Variants in SYT9 observed in about 807,000 individuals in gnomAD.
SYT9 encodes synaptotagmin-9.
Under a neutral mutation model 48.4 loss-of-function variants are expected in SYT9, and 22 were observed. The observed-to-expected ratio is 0.45, with a 90% CI of 0.32 to 0.65. The LOEUF is 0.65. Ranked by LOEUF, SYT9 falls within the 30% of genes least tolerant of loss-of-function variation. The pLI, the probability that SYT9 is intolerant of heterozygous loss-of-function variation, is 0.03. For missense variants in SYT9, 577 were observed against 622.0 expected (o/e 0.93, Z 0.77); for synonymous variants, 265 against 245.0 (o/e 1.08, Z -0.76).
chr11:7,313,505 A>T lies in SYT9; in HGVS notation c.608A>T (p.Tyr203Phe). The T allele has an allele frequency of 6.2e-7, 1 of 1,614,210 alleles. No individual in the cohort carries two copies. The highest frequency in any genetic ancestry group is 8.5e-7 in the Non-Finnish European group (1 of 1,180,002). Residue 203 changes from tyrosine (Y) to phenylalanine (F), a missense_variant, in exon 3 of 7, where the codon TAT becomes TTT. Transcript: ENST00000318881. ...ATTGGTAGAATTAAACCAGAGTTAT[A>T]TAAGCAGAGGTCATTGGATAATGAT... is the stretch of plus-strand genomic sequence containing the variant. ...TGIGRIKPELYKQRSLDNDDG... is the reference protein window; with the variant it reads ...TGIGRIKPELFKQRSLDNDDG...
At chr11:7,309,129 C>T (rs979927531) in intron 2 of SYT9, among the ~76,000 whole-genome samples, 2 of 152,324 alleles carry the variant, frequency 1.3e-5, no homozygotes, top group African/African-American at 4.8e-5. Flanking sequence ...CCACTTAGGT[C>T]TGGGGTAGCC....
At chr11:7,324,798 C>T (rs11820499) in intron 3 of SYT9, among the ~76,000 whole-genome samples, 2,793 of 151,848 alleles carry the variant, frequency 0.018, 93 homozygotes, top group African/African-American at 0.065. Flanking sequence ...GCTTTATGTT[C>T]TCTTACACAT....
chr11:7,305,824 A>G (rs185430055), intron 2 of SYT9, among the ~76,000 whole-genome samples: 1 of 152,256 alleles, frequency 6.6e-6, no homozygotes, highest in Admixed American at 6.5e-5. Flanking sequence ...GCCTCCATTT[A>G]AAGGTGTCTT....
At chr11:7,427,707 A>G (rs1847490423) in intron 6 of SYT9, 1 of 152,332 alleles carries the variant, frequency 6.6e-6, no homozygotes, top group African/African-American at 2.4e-5. Context: ...TTTTGACAAA[A>G]TGAAGAAATT....
intron 3 of SYT9, among the ~76,000 whole-genome samples, chr11:7,353,002 C>T (rs1285544355): frequency 6.6e-6 from 1 of 152,124 alleles, no homozygotes; most frequent in Non-Finnish European, 1.5e-5. Context: ...ACGTATAAAA[C>T]TTGTAAGTAA....
intron 1 of SYT9, among the ~76,000 whole-genome samples, chr11:7,263,769 G>A (rs1466845244): frequency 6.6e-6 from 1 of 152,190 alleles, no homozygotes; most frequent in Non-Finnish European, 1.5e-5. Flanking sequence ...GATTTTGGGA[G>A]TGGTGCCTCA....
intron 3 of SYT9, among the ~76,000 whole-genome samples, chr11:7,415,698 T>C (rs1421682291): frequency 6.6e-6 from 1 of 152,100 alleles, no homozygotes; most frequent in African/African-American, 2.4e-5. Flanking sequence ...TGTGGAGGAT[T>C]TGTTAAGGCT....
At chr11:7,442,688 A>C (rs1212481010) in intron 6 of SYT9, among the ~76,000 whole-genome samples, 1 of 152,168 alleles carries the variant, frequency 6.6e-6, no homozygotes, top group Non-Finnish European at 1.5e-5. Context: ...TCACATGGGT[A>C]ATGGGTTCCT....
At chr11:7,410,494 A>G (rs1348580741) in intron 3 of SYT9, among the ~76,000 whole-genome samples, 4 of 152,154 alleles carry the variant, frequency 2.6e-5, no homozygotes, top group Admixed American at 6.5e-5. Flanking sequence ...AGCTCTAGTT[A>G]TATTTGCTTT....
At chr11:7,351,048 C>G (rs149413594) in intron 3 of SYT9, among the ~76,000 whole-genome samples, 46 of 152,112 alleles carry the variant, frequency 3.0e-4, no homozygotes, top group African/African-American at 1.1e-3. Context: ...AAGTCAAGAT[C>G]AAAGCGGCCA....
chr11:7,307,194 T>C (rs1330206564), intron 2 of SYT9, among the ~76,000 whole-genome samples: 1 of 152,174 alleles, frequency 6.6e-6, no homozygotes, highest in Admixed American at 6.5e-5. Context: ...AAGATAACCA[T>C]CACACTCTAA....
In SYT9 at chr11:7,429,272, C is replaced by T. The variant is rs150607896; in HGVS notation, c.1467+8637C>T. On this transcript the variant is annotated intron_variant, in intron 6 of 6. Coordinates refer to ENST00000318881, the MANE Select transcript of SYT9 (RefSeq NM_175733.4). Reference sequence around the variant, plus strand: ...TAACCATAAGGATTACCACTGCATACGCTGATTCAGTCCAAGAGTATTATA... The same window carrying T: ...TAACCATAAGGATTACCACTGCATATGCTGATTCAGTCCAAGAGTATTATA... Among the ~76,000 whole-genome samples the T allele has an allele frequency of 7.9e-3, 1,198 of 152,308 alleles. 24 individuals are homozygous for T. Among genetic ancestry groups the T allele is most frequent in the African/African-American group, 0.027 (1,142 of 41,556 alleles).
At chr11:7,444,484 G>A (rs935129610) in intron 6 of SYT9, 1 of 151,914 alleles carries the variant, frequency 6.6e-6, no homozygotes, top group Non-Finnish European at 1.5e-5. Context: ...GATAATTACG[G>A]AAAGAATTCA....
At position 7,252,090 on chromosome 11, in the gene SYT9, A is replaced by G; in HGVS notation, c.-97A>G. ...GTTTCTCGGCAGGTCCCTGGCGGTG[A>G]GCGCGGACGGCCCGGAGGCGGCGGC... On this transcript the variant is annotated 5_prime_UTR_variant, in exon 1 of 7. The change abolishes the stop of an existing upstream ORF in the 5' untranslated region. Transcript: ENST00000318881. The surrounding 1 kb of genome is among the most constrained non-coding windows in gnomAD (Gnocchi z 6.3). The G allele has an allele frequency of 7.8e-7, 1 of 1,278,384 alleles. No homozygotes were observed. Among genetic ancestry groups the G allele is most frequent in the Non-Finnish European group, 1.0e-6 (1 of 1,002,634 alleles). 79.2% of individuals were successfully genotyped at this position (1,278,384 alleles called of 1,614,324 possible).
intron 2 of SYT9, among the ~76,000 whole-genome samples, chr11:7,308,963 C>A (rs889947153): frequency 6.6e-6 from 1 of 152,198 alleles, no homozygotes; most frequent in African/African-American, 2.4e-5. Flanking sequence ...CTCTGGGATT[C>A]TGGCCTTTCC....
intron 2 of SYT9, among the ~76,000 whole-genome samples, chr11:7,312,138 C>T (rs1013639442): frequency 4.6e-5 from 7 of 152,156 alleles, no homozygotes; most frequent in Admixed American, 3.3e-4. Context: ...GTACTCTTGT[C>T]ATACCAGGTG....
rs923040504 is a variant in SYT9, at chr11:7,252,049, G to C, written c.-138G>C. 5 of 1,055,644 alleles carry C rather than the reference G, an allele frequency of 4.7e-6. No individual in the cohort carries two copies. Among genetic ancestry groups the C allele is most frequent in the Non-Finnish European group, 6.2e-6 (5 of 804,944 alleles). The allele number at this position is 1,055,644 out of a possible 1,614,324, so 65.4% of individuals were successfully genotyped here. A position where few individuals can be genotyped will look rare whatever the true frequency, so the allele number is the denominator to read the frequency against. On this transcript the variant is annotated 5_prime_UTR_variant, in exon 1 of 7. Transcript: ENST00000318881. This position sits in a 1 kb window ranked among gnomAD's most constrained non-coding sequence, Gnocchi z 6.3. Reference sequence around the variant, plus strand: ...CCGGGCCGGCTGGGTCTGGGGCTCGGGCTCAGGCTCGCACCGTTTCTCGGC... The same window carrying C: ...CCGGGCCGGCTGGGTCTGGGGCTCGCGCTCAGGCTCGCACCGTTTCTCGGC...
At chr11:7,372,701 G>T (rs1303041054) in intron 3 of SYT9, among the ~76,000 whole-genome samples, 1 of 151,970 alleles carries the variant, frequency 6.6e-6, no homozygotes, top group African/African-American at 2.4e-5. Context: ...TTAGCCACTG[G>T]TCTCATTAGT....
At chr11:7,428,533 G>C (rs1329788794) in intron 6 of SYT9, among the ~76,000 whole-genome samples, 1 of 152,202 alleles carries the variant, frequency 6.6e-6, no homozygotes, top group African/African-American at 2.4e-5. Flanking sequence ...TGGGGAATGG[G>C]GCCTGGGGCA....
Sources: gnomAD v4.1 joint callset for allele counts (sites outside exome capture counted in the v4.1 genomes callset) on GRCh38, gnomAD v4.1.1 for gene constraint, Gnocchi (gnomAD v3.1) non-coding constraint, MANE v1.5 for transcripts, NCBI Gene and HGNC (gene_info 2026-07-23, HGNC 2026-07-21) for gene names.